The following SCRN1 variants were observed in gnomAD, a reference collection of about 807,000 sequenced individuals.
SCRN1 encodes the protein secernin-1.
A neutral mutation model predicts 43.3 loss-of-function variants in SCRN1; 19 were observed. The observed-to-expected ratio is 0.44, with a 90% CI of 0.31 to 0.64. The LOEUF (loss-of-function observed/expected upper bound fraction) is 0.64, where lower values mean the gene tolerates loss of function less well. Among genes scored for constraint, SCRN1 ranks in the 30% least tolerant of loss-of-function variants. The pLI is 0.09. For missense variants in SCRN1, 447 were observed against 524.1 expected, an observed-to-expected ratio of 0.85 and a Z score of 1.44; for synonymous variants, 183 against 188.9, an observed-to-expected ratio of 0.97 and a Z score of 0.26.
At chr7:29,970,570 C>T (rs1414393222) in intron 1 of SCRN1, among the ~76,000 whole-genome samples, 3 of 152,220 alleles carry the variant, frequency 2.0e-5, no homozygotes, top group Non-Finnish European at 4.4e-5. Flanking sequence ...TAGTCTCTCC[C>T]AGCAAAATCT....
chr7:29,963,243 C>T (rs767149235), intron 2 of SCRN1, among the ~76,000 whole-genome samples: 7 of 152,064 alleles, frequency 4.6e-5, no homozygotes, highest in Non-Finnish European at 7.4e-5. Context: ...AGGCAAAACA[C>T]GAACCTAGGA....
At chr7:29,961,147 G>A (rs1334644414) in intron 2 of SCRN1, among the ~76,000 whole-genome samples, 24 of 141,052 alleles carry the variant, frequency 1.7e-4, no homozygotes, top group Admixed American at 5.7e-4. Flanking sequence ...TGGGACAATA[G>A]TGGAGGGAAG....
intron 1 of SCRN1, among the ~76,000 whole-genome samples, chr7:29,986,842 A>G (rs953675308): frequency 1.0e-4 from 15 of 146,986 alleles, no homozygotes; most frequent in African/African-American, 3.1e-4. Context: ...CTCCTGCCTC[A>G]GCCTCCCAAG....
intron 2 of SCRN1, among the ~76,000 whole-genome samples, chr7:29,956,640 G>T (rs936949234): frequency 6.6e-6 from 1 of 152,166 alleles, no homozygotes; most frequent in Non-Finnish European, 1.5e-5. Context: ...ACACTCACTG[G>T]TCAGGTGACT....
At chr7:29,931,660 C>CA (rs1445139030) in intron 6 of SCRN1, among the ~76,000 whole-genome samples, 1 of 152,208 alleles carries the variant, frequency 6.6e-6, no homozygotes, top group East Asian at 1.9e-4. Context: ...TGTCCTCAAA[C>CA]ATGGCTCTGC....
rs1332928520 is a variant in SCRN1 at position 29,989,705 on chromosome 7, G to A, written c.-65C>T. 2 of 985,878 alleles carry A rather than the reference G, an allele frequency of 2.0e-6. No individual in the cohort carries two copies. Among genetic ancestry groups the A allele is most frequent in the Middle Eastern group, 5.2e-4 (1 of 1,936 alleles). 61.1% of individuals were successfully genotyped at this position (985,878 alleles called of 1,614,324 possible). A position where few individuals can be genotyped will look rare whatever the true frequency, so the allele number is the denominator to read the frequency against. On this transcript the variant is annotated 5_prime_UTR_variant, in exon 1 of 8. Transcript: ENST00000242059. ...GGTGCTGAGGCTGCGGCCGCCGAGGGTGCGGGTGCTGCCGGGTCCGGATTA... is the reference window on the plus strand; with the variant it reads ...GGTGCTGAGGCTGCGGCCGCCGAGGATGCGGGTGCTGCCGGGTCCGGATTA...
intron 4 of SCRN1, among the ~76,000 whole-genome samples, chr7:29,942,978 C>T (rs961249562): frequency 6.6e-6 from 1 of 152,150 alleles, no homozygotes; most frequent in Non-Finnish European, 1.5e-5. Context: ...TGTGGTAGAT[C>T]TTCCGCTTCT....
At chr7:29,970,823 AC>A (rs1788644341) in intron 1 of SCRN1, among the ~76,000 whole-genome samples, 1 of 152,152 alleles carries the variant, frequency 6.6e-6, no homozygotes, top group South Asian at 2.1e-4. Context: ...CTGATTCAAA[AC>A]CCTTTCTTTC....
intron 1 of SCRN1, among the ~76,000 whole-genome samples, chr7:29,971,571 C>T (rs1329587530): frequency 2.0e-5 from 3 of 150,376 alleles, no homozygotes; most frequent in African/African-American, 7.4e-5. Flanking sequence ...GAGGCTGAGG[C>T]TGCAGTGAGC....
chr7:29,941,192 T>C (rs1424721782), intron 4 of SCRN1, among the ~76,000 whole-genome samples: 1 of 152,146 alleles, frequency 6.6e-6, no homozygotes, highest in Admixed American at 6.5e-5. Flanking sequence ...CATTCATTAG[T>C]TACATGCAAA....
In SCRN1 at chr7:29,921,515, A is replaced by C. The variant is rs949614249; in HGVS notation, c.*2442T>G. On this transcript the variant is annotated 3_prime_UTR_variant, in exon 8 of 8. Transcript: ENST00000242059. ...CTCTGCTCTCTTGTCGTCTTTCTCC[A>C]CCCATCCCAATGCACAACTGTCAAC... The C allele has an allele frequency of 6.6e-6, 1 of 152,186 alleles. No homozygotes were observed. Among genetic ancestry groups the C allele is most frequent in the Admixed American group, 6.5e-5 (1 of 15,282 alleles). 9.4% of individuals were successfully genotyped at this position (152,186 alleles called of 1,614,324 possible). A position where few individuals can be genotyped will look rare whatever the true frequency, so the allele number is the denominator to read the frequency against.
intron 6 of SCRN1, among the ~76,000 whole-genome samples, chr7:29,930,948 C>T (rs568540650): frequency 6.6e-6 from 1 of 152,288 alleles, no homozygotes; most frequent in South Asian, 2.1e-4. Context: ...CCTCCCTCAG[C>T]ATCCAGCTCT....
chr7:29,977,320 A>C (rs527530549), intron 1 of SCRN1, among the ~76,000 whole-genome samples: 8 of 152,318 alleles, frequency 5.3e-5, no homozygotes, highest in African/African-American at 1.9e-4. Flanking sequence ...CTTCCAGAAA[A>C]GCAAAGGAGA....
intron 2 of SCRN1, among the ~76,000 whole-genome samples, chr7:29,967,174 A>AAC (rs142917231): frequency 0.054 from 7,971 of 148,312 alleles, 244 homozygotes; most frequent in South Asian, 0.074. Flanking sequence ...CTACCATCTA[A>AAC]ACACACACAC....
chr7:29,947,968 A>G (rs1239924130), intron 3 of SCRN1, among the ~76,000 whole-genome samples: 1 of 152,210 alleles, frequency 6.6e-6, no homozygotes, highest in South Asian at 2.1e-4. Context: ...CAGATTTCCC[A>G]GTCTCTAGGA....
rs371164443 is a variant in SCRN1, at chr7:29,944,079, T to C, written c.442A>G (p.Asn148Asp). The change falls in exon 4 of 8, where the codon AAC (asparagine) becomes GAC (aspartate). Residue 148 changes from asparagine (N) to aspartate (D), a missense_variant. Asn to Asp is a conservative substitution (Grantham distance 23). Coordinates refer to ENST00000242059, the MANE Select transcript of SCRN1 (RefSeq NM_014766.5). ...GCACTTTGGAAGCTGTGGCAGGAGTTTGCATCTTCAAAGTAATTCCCACCT... is the reference window on the plus strand; with the variant it reads ...GCACTTTGGAAGCTGTGGCAGGAGTCTGCATCTTCAAAGTAATTCCCACCT... ...GQGGNYFEDA[N>D]SCHSFQSAYL... is the part of the protein sequence containing the mutation. The C allele has an allele frequency of 6.2e-6, 10 of 1,614,062 alleles. No individual in the cohort carries two copies. The highest frequency in any genetic ancestry group is 8.5e-6 in the Non-Finnish European group (10 of 1,180,036).
rs1222137724 is a variant in SCRN1 at position 29,955,252 on chromosome 7, T to C, written c.268A>G (p.Ile90Val). Residue 90 changes from isoleucine to valine, a missense_variant, in exon 3 of 8, where the codon ATA becomes GTA. Coordinates refer to ENST00000242059, the MANE Select transcript of SCRN1 (RefSeq NM_014766.5). ...CTGGTGTTGATGGCTTCATTGGCTA[T>C]GCACACTCCATGTTCATTGGCTCCC... is the stretch of plus-strand genomic sequence containing the variant. ...EMGANEHGVCIANEAINTREP... is the reference protein window; with the variant it reads ...EMGANEHGVCVANEAINTREP... The C allele has an allele frequency of 1.2e-6, 2 of 1,614,098 alleles. No individual in the cohort carries two copies. The highest frequency in any genetic ancestry group is 1.7e-6 in the Non-Finnish European group (2 of 1,180,044).
At chr7:29,972,711 C>T (rs1264447812) in intron 1 of SCRN1, among the ~76,000 whole-genome samples, 1 of 152,172 alleles carries the variant, frequency 6.6e-6, no homozygotes, top group Admixed American at 6.5e-5. Context: ...CCTGAATCAC[C>T]ATGTGTGCAC....
At chr7:29,975,291 G>C (rs1327738344) in intron 1 of SCRN1, among the ~76,000 whole-genome samples, 4 of 152,138 alleles carry the variant, frequency 2.6e-5, no homozygotes, top group African/African-American at 9.7e-5. Flanking sequence ...AACAGAGTTT[G>C]TCCAGAAATA....
Sources: gnomAD v4.1 joint callset for allele counts (sites outside exome capture counted in the v4.1 genomes callset) on GRCh38, gnomAD v4.1.1 for gene constraint, MANE v1.5 for transcripts, NCBI Gene and HGNC (gene_info 2026-07-23, HGNC 2026-07-21) for gene names.